The following BMAL1 variants were observed in gnomAD, a reference collection of about 807,000 sequenced individuals.
The protein encoded by BMAL1 is basic helix-loop-helix ARNT like 1.
chr11:13,300,828 T>C, the BMAL1 span, among the ~76,000 whole-genome samples: 1 of 152,268 alleles, frequency 6.6e-6, no homozygotes, highest in East Asian at 1.9e-4. Flanking sequence ...TAGAATGAAA[T>C]TGACAAACAG....
chr11:13,300,674 A>G, the BMAL1 span, among the ~76,000 whole-genome samples: 1 of 152,238 alleles, frequency 6.6e-6, no homozygotes, highest in African/African-American at 2.4e-5. Flanking sequence ...GAAATGCCCT[A>G]AAACAAGAAA....
chr11:13,331,466 G>A, the BMAL1 span, among the ~76,000 whole-genome samples: 4 of 152,182 alleles, frequency 2.6e-5, no homozygotes, highest in Admixed American at 6.5e-5. Flanking sequence ...CTTTGGAGGA[G>A]CCCTGGGAAT....
chr11:13,333,817 G>A, the BMAL1 span, among the ~76,000 whole-genome samples: 1 of 152,166 alleles, frequency 6.6e-6, no homozygotes, highest in Non-Finnish European at 1.5e-5. Context: ...GCTTTTTGTG[G>A]CAACACAGAA....
At chr11:13,386,438 A>G in the BMAL1 span, among the ~76,000 whole-genome samples, 1 of 152,224 alleles carries the variant, frequency 6.6e-6, no homozygotes, top group East Asian at 1.9e-4. Flanking sequence ...TCTAAAAAAC[A>G]GCGATATAAA....
chr11:13,354,732 C>G, the BMAL1 span: 2 of 358,910 alleles, frequency 5.6e-6, no homozygotes, highest in Non-Finnish European at 1.0e-5. Context: ...GTCTTTTACC[C>G]CTTTCTTCGT....
At chr11:13,385,198 T>G in the BMAL1 span, among the ~76,000 whole-genome samples, 5 of 152,254 alleles carry the variant, frequency 3.3e-5, no homozygotes, top group Non-Finnish European at 7.3e-5. Context: ...CTGTCTTAAC[T>G]TAAACCACAG....
chr11:13,315,797 G>A, the BMAL1 span, among the ~76,000 whole-genome samples: 1 of 152,188 alleles, frequency 6.6e-6, no homozygotes, highest in Non-Finnish European at 1.5e-5. Flanking sequence ...GCCTGGAGTT[G>A]ACCGAGAGCA....
At chr11:13,351,172 G>T in the BMAL1 span, among the ~76,000 whole-genome samples, 779 of 152,300 alleles carry the variant, frequency 5.1e-3, 7 homozygotes, top group African/African-American at 0.018. Flanking sequence ...TATTCAAGGG[G>T]GCTTCACTGA....
the BMAL1 span, among the ~76,000 whole-genome samples, chr11:13,318,546 T>A: frequency 3.4e-4 from 1 of 2,924 alleles, no homozygotes; most frequent in African/African-American, 6.6e-4. Flanking sequence ...GACACTTAGT[T>A]TTTTTTTTTT....
At chr11:13,373,356 CA>C in the BMAL1 span, among the ~76,000 whole-genome samples, 1 of 152,198 alleles carries the variant, frequency 6.6e-6, no homozygotes, top group African/African-American at 2.4e-5. Flanking sequence ...GAGACAGCCA[CA>C]ACATGCTGGA....
the BMAL1 span, among the ~76,000 whole-genome samples, chr11:13,309,654 G>A: frequency 3.9e-5 from 6 of 152,102 alleles, no homozygotes; most frequent in Admixed American, 2.0e-4. Context: ...GCAGTTGGGG[G>A]TATGGGACGG....
chr11:13,317,412 A>G, the BMAL1 span, among the ~76,000 whole-genome samples: 2 of 152,168 alleles, frequency 1.3e-5, no homozygotes, highest in African/African-American at 2.4e-5. Context: ...CTTTATTGGA[A>G]TCTTGTCCAG....
At chr11:13,374,137 C>G in the BMAL1 span, 34 of 1,613,796 alleles carry the variant, frequency 2.1e-5, 2 homozygotes, top group South Asian at 3.5e-4. Context: ...AACTTCTAGG[C>G]ACATCGTGTT....
At chr11:13,321,220 G>A in the BMAL1 span, among the ~76,000 whole-genome samples, 1 of 152,156 alleles carries the variant, frequency 6.6e-6, no homozygotes, top group Non-Finnish European at 1.5e-5. Context: ...AAGAACTTTG[G>A]TGTAGCTGGG....
chr11:13,297,642 A>G, the BMAL1 span, among the ~76,000 whole-genome samples: 446 of 152,274 alleles, frequency 2.9e-3, 1 homozygote, highest in Non-Finnish European at 4.5e-3. Context: ...GGGCATCCCA[A>G]ACTGTGAGCC....
chr11:13,348,235 G>A, the BMAL1 span, among the ~76,000 whole-genome samples: 1 of 152,230 alleles, frequency 6.6e-6, no homozygotes, highest in Non-Finnish European at 1.5e-5. Flanking sequence ...GAGGCAGGGT[G>A]GTTTTGGGAA....
the BMAL1 span, among the ~76,000 whole-genome samples, chr11:13,291,984 A>G: frequency 6.6e-6 from 1 of 152,166 alleles, no homozygotes; most frequent in African/African-American, 2.4e-5. Flanking sequence ...GTTTCCATGG[A>G]GACATTAGCC....
At chr11:13,352,871 A>C in the BMAL1 span, among the ~76,000 whole-genome samples, 5 of 152,308 alleles carry the variant, frequency 3.3e-5, no homozygotes, top group African/African-American at 4.8e-5. Context: ...TACTCCACGG[A>C]GCTCAGACCC....
At chr11:13,354,683 T>A in the BMAL1 span, 1 of 495,284 alleles carries the variant, frequency 2.0e-6, no homozygotes, top group Non-Finnish European at 3.6e-6. Context: ...CAAAATGTTC[T>A]ACACCCAGAG....
Sources: allele counts gnomAD v4.1 joint callset (sites outside exome capture counted in the v4.1 genomes callset), GRCh38; gene constraint gnomAD v4.1.1; transcripts MANE v1.5; gene names NCBI Gene and HGNC (gene_info 2026-07-23, HGNC 2026-07-21).